Variants in NOTCH4 observed in about 807,000 individuals in gnomAD.
The protein encoded by NOTCH4 is neurogenic locus notch homolog protein 4.
Under a neutral mutation model 189.0 loss-of-function variants are expected in NOTCH4, and 138 were observed. The ratio of observed to expected loss-of-function variants is 0.73; its 90% CI spans 0.64 to 0.84. The LOEUF is 0.84. NOTCH4 is among the 40% of genes least tolerant of loss of function. The pLI, the probability that NOTCH4 is intolerant of heterozygous loss-of-function variation, is 0.00. For missense variants in NOTCH4, 2,286 were observed against 2,605.4 expected (o/e 0.88, Z 2.67); for synonymous variants, 942 against 1,032.8 (o/e 0.91, Z 1.69).
chr6:32,209,708 C>A (rs1193639265), intron 18 of NOTCH4, among the ~76,000 whole-genome samples: 1 of 151,990 alleles, frequency 6.6e-6, no homozygotes, highest in Non-Finnish European at 1.5e-5. Flanking sequence ...CATGGTGAAA[C>A]CCCATCTCTA....
Position 32,210,859 on chromosome 6 carries a change from G to C in NOTCH4, c.2758C>G (p.Pro920Ala). Residue 920 changes from proline to alanine, a missense_variant, in exon 18 of 30, where the codon CCT (proline) becomes GCT (alanine). Coordinates refer to ENST00000375023, the MANE Select transcript of NOTCH4 (RefSeq NM_004557.4). This position sits in a 1 kb window ranked among gnomAD's most constrained non-coding sequence, Gnocchi z 4.8. The part of the protein sequence containing the change: ...SGPSYFCHCP[P>A]GFQGSLCQDH... ...TGGCACAGGCTGCCTTGGAATCCAG[G>C]GGGGCAGTGGCAGAAATAGGAGGGG... 2 of 1,612,948 alleles carry C rather than the reference G, an allele frequency of 1.2e-6. No homozygotes were observed. Among genetic ancestry groups the C allele is most frequent in the African/African-American group, 1.3e-5 (1 of 75,042 alleles).
At chr6:32,204,466 G>A in intron 18 of NOTCH4, 77 bp from the exon 19 acceptor site, 4 of 1,516,566 alleles carry the variant, frequency 2.6e-6, no homozygotes, top group Non-Finnish European at 3.6e-6. Context: ...GCTCAAGATA[G>A]TCTGTCCAGT....
rs755664291 is a variant in NOTCH4 at position 32,197,496 on chromosome 6, G to A, written c.4855C>T (p.Leu1619=). ...TGGGGACAGGCCCCTCCATCCAGCA[G>A]AGGTTCCCAGGGCTCAGGACATCCC... ...WLGCPEPWEP[L]LDGGACPQAH... Residue 1619 remains leucine, a synonymous_variant, in exon 27 of 30, where the codon CTG becomes TTG. Transcript: ENST00000375023. 6.2e-7 allele frequency: 1 copy of A among 1,606,116 alleles called. No homozygotes were observed. The highest frequency in any genetic ancestry group is 1.3e-5 in the African/African-American group (1 of 74,768).
rs755786715 is a variant in NOTCH4 at position 32,220,245 on chromosome 6, G to A, written c.1199C>T (p.Pro400Leu). The A allele has an allele frequency of 6.8e-6, 11 of 1,613,752 alleles. No homozygotes were observed. The highest frequency in any genetic ancestry group is 2.2e-5 in the East Asian group (1 of 44,854). ...CHLEDMCLSQPCHGDAQCSTN... is the reference protein window; with the variant it reads ...CHLEDMCLSQLCHGDAQCSTN... ...GCTGCATTGGGCATCCCCATGGCAC[G>A]GCTGGCTCAGACACATGTCTTCCAA... Residue 400 changes from proline to leucine, a missense_variant, in exon 7 of 30, where the codon CCG becomes CTG. Pro to Leu is a moderately conservative substitution (Grantham distance 98). Around this residue, in one of 2 missense-constraint regions of NOTCH4, gnomAD observed 1,903 missense variants for 2,261.9 expected, o/e 0.84. Coordinates refer to ENST00000375023, the MANE Select transcript of NOTCH4 (RefSeq NM_004557.4).
chr6:32,202,930 A>G lies in NOTCH4; in HGVS notation c.3232-331T>C, dbSNP rs142708198. 293 of 195,086 alleles carry G rather than the reference A, an allele frequency of 1.5e-3. 2 individuals are homozygous for G. Among genetic ancestry groups the G allele is most frequent in the African/African-American group, 6.4e-3 (275 of 43,242 alleles). The allele number at this position is 195,086 out of a possible 1,614,324, so 12.1% of individuals were successfully genotyped here. A position where few individuals can be genotyped will look rare whatever the true frequency, so the allele number is the denominator to read the frequency against. The stretch of plus-strand genomic sequence containing the variant: ...ATTATTATTATTATTTTTGAGACAG[A>G]GTTTCGCTCTTGTTGTCCAGGCTGG... On this transcript the variant is annotated intron_variant, in intron 20 of 29. Coordinates refer to ENST00000375023, the MANE Select transcript of NOTCH4 (RefSeq NM_004557.4). This position sits in a 1 kb window ranked among gnomAD's most constrained non-coding sequence, Gnocchi z 5.7.
chr6:32,203,897 G>A lies in NOTCH4; in HGVS notation c.3119-15C>T, dbSNP rs1337767037. 3.0e-5 allele frequency: 46 copies of A among 1,545,380 alleles called. No individual in the cohort carries two copies. The highest frequency in any genetic ancestry group is 3.9e-5 in the Non-Finnish European group (45 of 1,142,024). On this transcript the variant is annotated splice_polypyrimidine_tract_variant and intron_variant, in intron 19 of 29. Coordinates refer to ENST00000375023, the MANE Select transcript of NOTCH4 (RefSeq NM_004557.4). ...ACACCACTGGCCTGTAATTATGGGGGAGATTAGATGTCACACACTGCATCA... is the reference window on the plus strand; with the variant it reads ...ACACCACTGGCCTGTAATTATGGGGAAGATTAGATGTCACACACTGCATCA...
In NOTCH4 at chr6:32,195,676, G is replaced by T. The variant is rs1288805586; in HGVS notation, c.5773C>A (p.Pro1925Thr). The T allele has an allele frequency of 5.0e-6, 8 of 1,612,964 alleles. No individual in the cohort carries two copies. Among genetic ancestry groups the T allele is most frequent in the South Asian group, 4.4e-5 (4 of 91,066 alleles). Reference protein sequence around the residue: ...RFSAGMRGPRPNPAIMRGRYG... With the variant: ...RFSAGMRGPRTNPAIMRGRYG... ...CTTCCTCGCATTATCGCAGGGTTGG[G>T]CCGAGGCCCGCGCATGCCTGCAGAA... is the stretch of plus-strand genomic sequence containing the variant. Residue 1925 changes from proline to threonine, a missense_variant, in exon 30 of 30, where the codon CCC (proline) becomes ACC (threonine). By Grantham distance (38) the Pro-to-Thr change is conservative. Around this residue, in one of 2 missense-constraint regions of NOTCH4, gnomAD observed 383 missense variants for 343.5 expected, o/e 1.11. Coordinates refer to ENST00000375023, the MANE Select transcript of NOTCH4 (RefSeq NM_004557.4). The surrounding 1 kb of genome is among the most constrained non-coding windows in gnomAD (Gnocchi z 5.4).
intron 20 of NOTCH4, chr6:32,203,334 T>G (rs1788470380): frequency 6.2e-6 from 1 of 162,436 alleles, no homozygotes; most frequent in Non-Finnish European, 1.3e-5. Flanking sequence ...ATTCTTGGGT[T>G]AGGTTCATGG....
chr6:32,206,434 A>G (rs914667763), intron 18 of NOTCH4, among the ~76,000 whole-genome samples: 4 of 152,114 alleles, frequency 2.6e-5, no homozygotes, highest in Non-Finnish European at 5.9e-5. Flanking sequence ...GAAATCAAGA[A>G]AGCAATCCCA....
At position 32,214,484 on chromosome 6, in the gene NOTCH4, T is replaced by TATATATAC. The variant is rs28383875; in HGVS notation, c.2022-230_2022-229insGTATATAT. On this transcript the variant is annotated intron_variant, in intron 12 of 29. Transcript: ENST00000375023. ...AGTTGGAGATATATATATATATATA[T>TATATATAC]ACACACATATATATTCTTTCTGTAA... is the stretch of plus-strand genomic sequence containing the variant. Among the ~76,000 whole-genome samples, 58 of 141,248 alleles carry TATATATAC rather than the reference T, an allele frequency of 4.1e-4. 2 individuals carry two copies. Among genetic ancestry groups the TATATATAC allele is most frequent in the Non-Finnish European group, 7.0e-4 (46 of 65,722 alleles). The allele number at this position is 141,248 out of a possible 152,430, so 92.7% of individuals were successfully genotyped here. A position where few individuals can be genotyped will look rare whatever the true frequency, so the allele number is the denominator to read the frequency against.
Position 32,198,424 on chromosome 6 carries a change from G to A in NOTCH4, c.4753C>T (p.Pro1585Ser). ...MEAPDLDTRG[P>S]DGVTPLMSAV... Reference sequence around the variant, plus strand: ...TGGTCTGGGTTGACTCACATACCAGGTCCACGGGTGTCCAGGTCAGGGGCT... The same window carrying A: ...TGGTCTGGGTTGACTCACATACCAGATCCACGGGTGTCCAGGTCAGGGGCT... The change falls in exon 26 of 30, where the codon CCT becomes TCT. Residue 1585 changes from proline to serine, a missense_variant. Physicochemically the swap from Pro to Ser is moderately conservative, Grantham distance 74. Transcript: ENST00000375023. This position sits in a 1 kb window ranked among gnomAD's most constrained non-coding sequence, Gnocchi z 5.5. 6.2e-7 allele frequency: 1 copy of A among 1,612,446 alleles called. No homozygotes were observed. The highest frequency in any genetic ancestry group is 8.5e-7 in the Non-Finnish European group (1 of 1,179,882).
intron 12 of NOTCH4, among the ~76,000 whole-genome samples, chr6:32,214,742 T>C (rs1053383476): frequency 6.6e-6 from 1 of 151,802 alleles, no homozygotes; most frequent in African/African-American, 2.4e-5. Context: ...ATCCTTCCGC[T>C]TCAGCCTCCC....
Position 32,220,657 on chromosome 6 carries a change from G to A in NOTCH4, c.923-16C>T, listed in dbSNP as rs1373860660. The stretch of plus-strand genomic sequence containing the variant: ...CAGTCCCAGCCTGCAGGGGGTTGGG[G>A]AGGGGACGAGGGCTAAGGCTGGGAG... On this transcript the variant is annotated splice_polypyrimidine_tract_variant and intron_variant, in intron 5 of 29. Coordinates refer to ENST00000375023, the MANE Select transcript of NOTCH4 (RefSeq NM_004557.4). The A allele has an allele frequency of 1.2e-6, 2 of 1,612,866 alleles. No homozygotes were observed. The highest frequency in any genetic ancestry group is 3.3e-5 in the Admixed American group (2 of 60,020).
In NOTCH4 at chr6:32,222,592, G is replaced by C; in HGVS notation, c.370C>G (p.Pro124Ala). The C allele has an allele frequency of 6.3e-7, 1 of 1,597,840 alleles. No homozygotes were observed. Among genetic ancestry groups the C allele is most frequent in the Non-Finnish European group, 8.5e-7 (1 of 1,174,802 alleles). The change falls in exon 3 of 30, where the codon CCC becomes GCC. Residue 124 changes from proline to alanine, a missense_variant. Pro to Ala is a conservative substitution (Grantham distance 27, BLOSUM62 -1). Transcript: ENST00000375023. ...CQAKLEDPCP[P>A]SFCSKRGRCH... ...CGGCCCCTTTTGGAACAGAAGGAGGGAGGACAAGGGTCTTCAAGCTTGGCC... is the reference window on the plus strand; with the variant it reads ...CGGCCCCTTTTGGAACAGAAGGAGGCAGGACAAGGGTCTTCAAGCTTGGCC...
intron 14 of NOTCH4, 59 bp from the exon 15 acceptor site, chr6:32,213,311 C>G: frequency 1.8e-6 from 2 of 1,140,236 alleles, no homozygotes; most frequent in Non-Finnish European, 2.6e-6. Context: ...CCTGTGACCT[C>G]AGTCACACTG....
chr6:32,215,278 C>A lies in NOTCH4; in HGVS notation c.1969G>T (p.Gly657Cys). ...ANCLCPDGSP[G>C]CAPPEDNCTC... is the part of the protein sequence containing the mutation. ...CAGTTGTCCTCAGGTGGGGCACAGCCAGGGCTTCCATCAGGACAGAGGCAG... is the reference window on the plus strand; with the variant it reads ...CAGTTGTCCTCAGGTGGGGCACAGCAAGGGCTTCCATCAGGACAGAGGCAG... The change falls in exon 12 of 30, where the codon GGC becomes TGC. Residue 657 changes from glycine (G) to cysteine (C), a missense_variant. By Grantham distance (159) the Gly-to-Cys change is radical (BLOSUM62 -3). Around this residue, in one of 2 missense-constraint regions of NOTCH4, gnomAD observed 1,903 missense variants for 2,261.9 expected, o/e 0.84. Transcript: ENST00000375023. 6.2e-7 allele frequency: 1 copy of A among 1,606,480 alleles called. No homozygotes were observed. Among genetic ancestry groups the A allele is most frequent in the Non-Finnish European group, 8.5e-7 (1 of 1,177,614 alleles).
chr6:32,201,299 C>G lies in NOTCH4; in HGVS notation c.3957G>C (p.Leu1319=). 5.0e-6 allele frequency: 8 copies of G among 1,612,984 alleles called. No individual in the cohort carries two copies. Among genetic ancestry groups the G allele is most frequent in the Non-Finnish European group, 6.8e-6 (8 of 1,179,984 alleles). ...AGAGTCCTACCCTCAGAGTCAGGGA[C>G]AGCACCCGGGCCAGGGCAAACAGCT... is the stretch of plus-strand genomic sequence containing the variant. ...DQQLFALARV[L]SLTLRVGLWV... is the part of the protein sequence containing the mutation. The change falls in exon 22 of 30, where the codon CTG becomes CTC. Residue 1319 remains leucine, a synonymous_variant. Transcript: ENST00000375023. This position sits in a 1 kb window ranked among gnomAD's most constrained non-coding sequence, Gnocchi z 5.5.
chr6:32,197,197 A>T, intron 27 of NOTCH4, 102 bp downstream of exon 27: 1 of 1,514,528 alleles, frequency 6.6e-7, no homozygotes, highest in Non-Finnish European at 8.9e-7. Context: ...TCAGGTTCCC[A>T]ATCACACCAA....
At position 32,223,932 on chromosome 6, in the gene NOTCH4, A is replaced by G; in HGVS notation, c.-4T>C. 6.3e-7 allele frequency: 1 copy of G among 1,595,684 alleles called. No homozygotes were observed. Among genetic ancestry groups the G allele is most frequent in the Non-Finnish European group, 8.5e-7 (1 of 1,176,548 alleles). Reference sequence around the variant, plus strand: ...GCAGCAGTGAAGGGGGCTGCATTCCACAGCCCCTTCTCCAAGCCCCGGTCC... The same window carrying G: ...GCAGCAGTGAAGGGGGCTGCATTCCGCAGCCCCTTCTCCAAGCCCCGGTCC... On this transcript the variant is annotated 5_prime_UTR_variant, in exon 1 of 30. Transcript: ENST00000375023.
Sources: allele counts gnomAD v4.1 joint callset (sites outside exome capture counted in the v4.1 genomes callset), GRCh38; gene constraint gnomAD v4.1.1; regional missense constraint gnomAD v4.1.1; non-coding constraint Gnocchi (gnomAD v3.1); transcripts MANE v1.5; gene names NCBI Gene and HGNC (gene_info 2026-07-23, HGNC 2026-07-21).